Variants in CPNE2 observed in about 807,000 individuals in gnomAD.
The protein encoded by CPNE2 is copine 2.
In CPNE2, 42 loss-of-function variants were observed where a neutral mutation model predicts 69.7. That is an observed-to-expected ratio of 0.60 (90% CI 0.47 to 0.78). The LOEUF is 0.78. CPNE2 is among the 30% of genes least tolerant of loss of function. CPNE2 has a pLI of 0.00. For missense variants in CPNE2, 587 were observed against 732.0 expected (o/e 0.80, Z 2.29); for synonymous variants, 294 against 289.8 (o/e 1.01, Z -0.15).
chr16:57,107,619 G>A (rs1014140888), intron 1 of CPNE2, among the ~76,000 whole-genome samples: 1 of 152,186 alleles, frequency 6.6e-6, no homozygotes, highest in African/African-American at 2.4e-5. Context: ...CTCCTCACTG[G>A]TCTCTCTGCT....
At position 57,127,908 on chromosome 16, in the gene CPNE2, G is replaced by A. The variant is rs1262579239; in HGVS notation, c.1116+5G>A. On this transcript the variant is annotated splice_donor_5th_base_variant and intron_variant, in intron 12 of 15. Coordinates refer to ENST00000290776, the MANE Select transcript of CPNE2 (RefSeq NM_152727.6). ...CAGTTACCCCCAGACTGGAAGGTGA[G>A]TGAAACCGGAGTTAGTTTCCTTTTG... 1 of 1,613,994 alleles carries A rather than the reference G, an allele frequency of 6.2e-7. No individual in the cohort carries two copies. Among genetic ancestry groups the A allele is most frequent in the Non-Finnish European group, 8.5e-7 (1 of 1,179,978 alleles).
At chr16:57,108,009 T>C (rs1464209718) in intron 1 of CPNE2, among the ~76,000 whole-genome samples, 1 of 151,936 alleles carries the variant, frequency 6.6e-6, no homozygotes, top group Non-Finnish European at 1.5e-5. Context: ...TAGCTGGGAC[T>C]ACAGGTGCAC....
At chr16:57,113,135 C>G in intron 2 of CPNE2, 153 bp from the exon 3 acceptor site, 2 of 680,178 alleles carry the variant, frequency 2.9e-6, no homozygotes, top group African/African-American at 1.8e-5. Flanking sequence ...GTGTCCTTGT[C>G]TGTGAGCTGG....
intron 1 of CPNE2, among the ~76,000 whole-genome samples, chr16:57,094,523 C>T (rs2069566077): frequency 6.6e-6 from 1 of 152,168 alleles, no homozygotes; most frequent in African/African-American, 2.4e-5. Flanking sequence ...ATCTGGTCCT[C>T]CTCCCAGTCC....
chr16:57,103,594 A>G (rs1379957084), intron 1 of CPNE2, among the ~76,000 whole-genome samples: 1 of 152,174 alleles, frequency 6.6e-6, no homozygotes, highest in Non-Finnish European at 1.5e-5. Flanking sequence ...TTCACCATCC[A>G]GCAGCTCTTC....
chr16:57,099,517 G>T (rs1398006646), intron 1 of CPNE2, among the ~76,000 whole-genome samples: 1 of 144,990 alleles, frequency 6.9e-6, no homozygotes, highest in Non-Finnish European at 1.5e-5. Flanking sequence ...ACCTGTGTGT[G>T]TTCCAGTTGC....
chr16:57,132,323 A>G (rs1597502870), intron 12 of CPNE2, among the ~76,000 whole-genome samples: 2 of 152,182 alleles, frequency 1.3e-5, no homozygotes, highest in Admixed American at 1.3e-4. Flanking sequence ...ACGTGAGCAG[A>G]GTTACTCAGA....
intron 2 of CPNE2, 100 bp downstream of exon 2, chr16:57,111,022 A>G: frequency 9.2e-7 from 1 of 1,087,752 alleles, no homozygotes; most frequent in Non-Finnish European, 1.3e-6. Context: ...TGATGGAAGT[A>G]GTTGGAGTGT....
intron 7 of CPNE2, among the ~76,000 whole-genome samples, 197 bp downstream of exon 7, chr16:57,119,847 C>A (rs1483040673): frequency 2.0e-5 from 3 of 152,246 alleles, no homozygotes; most frequent in Admixed American, 2.0e-4. Context: ...GGGCAGGGCC[C>A]CCACCTTTGA....
intron 10 of CPNE2, chr16:57,125,309 C>G (rs1385244273): frequency 2.2e-6 from 1 of 456,106 alleles, no homozygotes; most frequent in East Asian, 6.9e-5. Context: ...GTACGTGCTG[C>G]GGTGAGCTCC....
rs1050238080 is a variant in CPNE2, at chr16:57,115,464, T to A, written c.361-12T>A. On this transcript the variant is annotated splice_polypyrimidine_tract_variant and intron_variant, in intron 3 of 15. Coordinates refer to ENST00000290776, the MANE Select transcript of CPNE2 (RefSeq NM_152727.6). ...CTTCCTCACTGAGCGCCCTTTCTCCTCTCTCCCCTAGATCGTCTCCAGCAA... is the reference window on the plus strand; with the variant it reads ...CTTCCTCACTGAGCGCCCTTTCTCCACTCTCCCCTAGATCGTCTCCAGCAA... 13 of 1,605,526 alleles carry A rather than the reference T, an allele frequency of 8.1e-6. No homozygotes were observed. Among genetic ancestry groups the A allele is most frequent in the Non-Finnish European group, 1.1e-5 (13 of 1,175,560 alleles).
rs536391424 is a variant in CPNE2 at position 57,121,002 on chromosome 16, G to A, written c.682-91G>A. 30 of 915,722 alleles carry A rather than the reference G, an allele frequency of 3.3e-5. No homozygotes were observed. The East Asian group carries it at 6.6e-4, about 20-fold the overall frequency. 56.7% of individuals were successfully genotyped at this position (915,722 alleles called of 1,614,324 possible). On this transcript the variant is annotated intron_variant, in intron 7 of 15. Coordinates refer to ENST00000290776, the MANE Select transcript of CPNE2 (RefSeq NM_152727.6). ...GCTGAGGAGAGGCACTACCCAAACAGAAGACAGAGGGTTTGCTTGGGGAGT... is the reference window on the plus strand; with the variant it reads ...GCTGAGGAGAGGCACTACCCAAACAAAAGACAGAGGGTTTGCTTGGGGAGT...
In CPNE2 at chr16:57,146,382, A is replaced by C; in HGVS notation, c.1539+61A>C. The C allele has an allele frequency of 7.2e-7, 1 of 1,386,508 alleles. No individual in the cohort carries two copies. The highest frequency in any genetic ancestry group is 9.9e-7 in the Non-Finnish European group (1 of 1,014,710). 85.9% of individuals were successfully genotyped at this position (1,386,508 alleles called of 1,614,324 possible). A position where few individuals can be genotyped will look rare whatever the true frequency, so the allele number is the denominator to read the frequency against. On this transcript the variant is annotated intron_variant, in intron 15 of 15. Transcript: ENST00000290776. The surrounding 1 kb of genome is among the most constrained non-coding windows in gnomAD (Gnocchi z 4.4). ...AGGATCCCAGCCACCATAGCTCATA[A>C]TCAAGCTTGAGAGTCTTGGGGTTGT...
chr16:57,134,101 G>T (rs999386654), intron 12 of CPNE2, among the ~76,000 whole-genome samples: 4 of 152,208 alleles, frequency 2.6e-5, no homozygotes, highest in Admixed American at 2.6e-4. Flanking sequence ...GCAGCAGCCG[G>T]ATGTGATGGG....
In CPNE2 at chr16:57,130,973, C is replaced by T. The variant is rs2069834473; in HGVS notation, c.1116+3070C>T. Among the ~76,000 whole-genome samples the T allele has an allele frequency of 6.6e-6, 1 of 151,894 alleles. No individual in the cohort carries two copies. The highest frequency in any genetic ancestry group is 2.4e-5 in the African/African-American group (1 of 41,318). ...GGGGCTCCTCATAGAACCACGGGCA[C>T]CAGGGGAGGGGTGGTTTGGTGGCTC... On this transcript the variant is annotated intron_variant, in intron 12 of 15. Transcript: ENST00000290776. The surrounding 1 kb of genome is among the most constrained non-coding windows in gnomAD (Gnocchi z 4.1).
intron 1 of CPNE2, among the ~76,000 whole-genome samples, chr16:57,099,775 ATTT>A (rs776284229): frequency 5.9e-5 from 6 of 101,388 alleles, no homozygotes; most frequent in Non-Finnish European, 4.0e-5. Context: ...CTAATTTTTG[ATTT>A]TTTTTTTTTT....
At chr16:57,097,648 C>T (rs1195492136) in intron 1 of CPNE2, among the ~76,000 whole-genome samples, 7 of 152,224 alleles carry the variant, frequency 4.6e-5, no homozygotes, top group African/African-American at 1.7e-4. Context: ...TTCTCCAGCA[C>T]ACCTCAGTCC....
intron 9 of CPNE2, among the ~76,000 whole-genome samples, chr16:57,122,016 G>A (rs187153802): frequency 3.3e-5 from 5 of 152,362 alleles, no homozygotes; most frequent in Non-Finnish European, 7.3e-5. Flanking sequence ...GGGAAGGCAC[G>A]AGCTGACCTT....
At position 57,146,322 on chromosome 16, in the gene CPNE2, G is replaced by GT. The variant is rs762388799; in HGVS notation, c.1539+2dup. ...CGTTCCCTTTCGAGAGTTCCGCAACGTGAGTGTGGGCCTGGGCTGGGAGGG... is the reference window on the plus strand; with the variant it reads ...CGTTCCCTTTCGAGAGTTCCGCAACGTTGAGTGTGGGCCTGGGCTGGGAGGG... On this transcript the variant is annotated splice_donor_variant, in intron 15 of 15. Transcript: ENST00000290776. LOFTEE classifies it high-confidence loss of function. The surrounding 1 kb of genome is among the most constrained non-coding windows in gnomAD (Gnocchi z 4.4). The GT allele has an allele frequency of 6.5e-7, 1 of 1,547,268 alleles. No homozygotes were observed. Among genetic ancestry groups the GT allele is most frequent in the Non-Finnish European group, 8.7e-7 (1 of 1,143,348 alleles).
Sources: allele counts gnomAD v4.1 joint callset (sites outside exome capture counted in the v4.1 genomes callset), GRCh38; gene constraint gnomAD v4.1.1; non-coding constraint Gnocchi (gnomAD v3.1); transcripts MANE v1.5; gene names NCBI Gene and HGNC (gene_info 2026-07-23, HGNC 2026-07-21).